Variants in SPATA13 observed in about 807,000 individuals in gnomAD.
SPATA13 encodes spermatogenesis associated 13.
SPATA13 carries 50 observed loss-of-function variants against 104.0 expected under a neutral mutation model. The observed-to-expected ratio is 0.48, with a 90% CI of 0.38 to 0.61. SPATA13 has a LOEUF of 0.61. Ranked by LOEUF, SPATA13 falls within the 20% of genes least tolerant of loss-of-function variation. The pLI is 0.00. For synonymous variants in SPATA13, 606 were observed against 667.5 expected (o/e 0.91, Z 1.42); for missense variants, 1,524 against 1,690.6 (o/e 0.90, Z 1.73).
chr13:24,069,154 T>A (rs950474779), intron 3 of SPATA13, among the ~76,000 whole-genome samples: 25 of 152,228 alleles, frequency 1.6e-4, no homozygotes, highest in African/African-American at 6.0e-4. Flanking sequence ...TCTAGTTCCA[T>A]GAAAAATCTC....
At chr13:24,114,524 T>A (rs147703581) in intron 3 of SPATA13, among the ~76,000 whole-genome samples, 1 of 152,340 alleles carries the variant, frequency 6.6e-6, no homozygotes, top group East Asian at 1.9e-4. Context: ...CATCTCAGGC[T>A]GTCAACTGGC....
upstream of SPATA13, among the ~76,000 whole-genome samples, chr13:24,158,805 C>T (rs371792820): frequency 3.3e-4 from 50 of 152,288 alleles, 1 homozygote; most frequent in Middle Eastern, 3.4e-3. Context: ...GGCTCACTGA[C>T]GAGGAAGCTG....
upstream of SPATA13, among the ~76,000 whole-genome samples, chr13:24,156,962 G>A (rs1882272188): frequency 6.6e-6 from 1 of 152,186 alleles, no homozygotes; most frequent in African/African-American, 2.4e-5. Flanking sequence ...GCTGGAGGCT[G>A]CTAGATGAAG....
In SPATA13 at chr13:24,289,197, C is replaced by T. The variant is rs1876163534; in HGVS notation, c.2847+19C>T. On this transcript the variant is annotated intron_variant, in intron 8 of 12. Coordinates refer to ENST00000382108, the MANE Select transcript of SPATA13 (RefSeq NM_001166271.3). ...TCAAAATGTGCGTCACCCTTTACTTCATTATTAATAACATCTGCTTACATA... is the reference window on the plus strand; with the variant it reads ...TCAAAATGTGCGTCACCCTTTACTTTATTATTAATAACATCTGCTTACATA... 1.3e-6 allele frequency: 2 copies of T among 1,588,812 alleles called. No homozygotes were observed. Among genetic ancestry groups the T allele is most frequent in the African/African-American group, 2.7e-5 (2 of 73,416 alleles).
intron 3 of SPATA13, among the ~76,000 whole-genome samples, chr13:24,250,577 G>C (rs1018703543): frequency 1.3e-5 from 2 of 152,116 alleles, no homozygotes; most frequent in Non-Finnish European, 2.9e-5. Flanking sequence ...AGCTGATGTC[G>C]TAAGTAACCC....
intron 2 of SPATA13, among the ~76,000 whole-genome samples, chr13:24,238,798 T>C (rs758692664): frequency 3.7e-4 from 56 of 152,248 alleles, no homozygotes; most frequent in Non-Finnish European, 7.5e-4. Flanking sequence ...GATATAAATT[T>C]TTCATCTGTA....
chr13:24,042,247 A>G (rs971093272), intron 3 of SPATA13, among the ~76,000 whole-genome samples: 1 of 152,108 alleles, frequency 6.6e-6, no homozygotes, highest in African/African-American at 2.4e-5. Flanking sequence ...GGGAGATACT[A>G]TTTGCCCTGA....
intron 2 of SPATA13, among the ~76,000 whole-genome samples, chr13:23,992,015 G>A (rs927424756): frequency 6.6e-6 from 1 of 152,190 alleles, no homozygotes; most frequent in Admixed American, 6.5e-5. Flanking sequence ...TACAAGCCAA[G>A]CCCTCTGCTA....
intron 2 of SPATA13, among the ~76,000 whole-genome samples, chr13:24,235,346 G>C (rs2138633843): frequency 6.6e-6 from 1 of 152,308 alleles, no homozygotes; most frequent in East Asian, 1.9e-4. Flanking sequence ...CCAGGCTGAG[G>C]CTCCTCTAGG....
chr13:24,111,390 G>A (rs759645331), intron 3 of SPATA13, among the ~76,000 whole-genome samples: 4 of 151,942 alleles, frequency 2.6e-5, no homozygotes, highest in Non-Finnish European at 5.9e-5. Context: ...GACTTTGATT[G>A]CATCCTCTCT....
chr13:24,103,504 A>AAAAAAAAAGAG (rs1458068316), intron 3 of SPATA13, among the ~76,000 whole-genome samples: 2 of 115,580 alleles, frequency 1.7e-5, no homozygotes, highest in East Asian at 2.3e-4. Flanking sequence ...AAAAAAAAAC[A>AAAAAAAAAGAG]AGAAAGAAAA....
At chr13:24,063,446 C>T (rs895224280) in intron 3 of SPATA13, among the ~76,000 whole-genome samples, 1 of 152,150 alleles carries the variant, frequency 6.6e-6, no homozygotes, top group Admixed American at 6.5e-5. Flanking sequence ...GTGTAAGCGC[C>T]TCTGGACTCT....
At chr13:24,230,999 T>C (rs983954098) in intron 2 of SPATA13, among the ~76,000 whole-genome samples, 2 of 152,164 alleles carry the variant, frequency 1.3e-5, no homozygotes, top group Admixed American at 6.5e-5. Flanking sequence ...AGTTTGATGA[T>C]TTTTGGGAAA....
At chr13:24,213,920 G>A (rs1871156070) in intron 1 of SPATA13, among the ~76,000 whole-genome samples, 1 of 152,214 alleles carries the variant, frequency 6.6e-6, no homozygotes, top group Admixed American at 6.5e-5. Flanking sequence ...CTGAGTCAGG[G>A]TTGAAGGAAT....
At chr13:24,173,996 G>A (rs959474728) in intron 1 of SPATA13, among the ~76,000 whole-genome samples, 19 of 152,188 alleles carry the variant, frequency 1.2e-4, no homozygotes, top group Admixed American at 1.2e-3. Context: ...GTCAGGAAAT[G>A]TTCCTCTTTC....
intron 2 of SPATA13, among the ~76,000 whole-genome samples, chr13:24,240,389 C>A (rs980249061): frequency 1.3e-5 from 2 of 152,030 alleles, no homozygotes; most frequent in Non-Finnish European, 2.9e-5. Context: ...GAAAACGGAA[C>A]CCCCTTGAAC....
chr13:24,259,386 G>A (rs143708263), intron 4 of SPATA13, among the ~76,000 whole-genome samples: 1 of 152,354 alleles, frequency 6.6e-6, no homozygotes, highest in Non-Finnish European at 1.5e-5. Context: ...TACTCTGGTA[G>A]ATGTTTTCTG....
chr13:24,281,076 T>A (rs1302340806), intron 4 of SPATA13, among the ~76,000 whole-genome samples: 1 of 151,698 alleles, frequency 6.6e-6, no homozygotes, highest in Non-Finnish European at 1.5e-5. Context: ...GCTCCCAGGG[T>A]GCACTCCCTT....
In SPATA13 at chr13:24,043,659, G is replaced by A. The variant is rs566428413; in HGVS notation, c.-112+25958G>A. 8.0e-5 allele frequency among the ~76,000 whole-genome samples: 10 copies of A among 124,648 alleles called. No individual in the cohort carries two copies. In the East Asian group the frequency reaches 2.2e-3, roughly 28 times the overall value. The allele number at this position is 124,648 out of a possible 152,430, so 81.8% of individuals were successfully genotyped here. A position where few individuals can be genotyped will look rare whatever the true frequency, so the allele number is the denominator to read the frequency against. ...TCTGTCCCCAAATTGTATGTCTCTC[G>A]TAACTTTGAGGGAATTTTTTTTTGT... On this transcript the variant is annotated intron_variant, in intron 3 of 14. Transcript: ENST00000424834.
Sources: gnomAD v4.1 joint callset for allele counts (sites outside exome capture counted in the v4.1 genomes callset) on GRCh38, gnomAD v4.1.1 for gene constraint, MANE v1.5 for transcripts, NCBI Gene and HGNC (gene_info 2026-07-23, HGNC 2026-07-21) for gene names.